Variants in SLCO1A2 observed in about 807,000 individuals in gnomAD.
The protein encoded by SLCO1A2 is OATP-1.
SLCO1A2 carries 67 observed loss-of-function variants against 69.0 expected under a neutral mutation model. That is an observed-to-expected ratio of 0.97 (90% CI 0.80 to 1.19). The LOEUF (loss-of-function observed/expected upper bound fraction) is 1.19. SLCO1A2 is among the 50% of genes most tolerant of loss of function. The pLI, the probability that SLCO1A2 is intolerant of heterozygous loss-of-function variation, is 0.00. For synonymous variants in SLCO1A2, 260 were observed against 265.9 expected (o/e 0.98, Z 0.22); for missense variants, 787 against 793.7 (o/e 0.99, Z 0.10).
intron 4 of SLCO1A2, among the ~76,000 whole-genome samples, chr12:21,307,373 CAACAA>C (rs1239044850): frequency 6.6e-6 from 1 of 152,064 alleles, no homozygotes; most frequent in African/African-American, 2.4e-5. Flanking sequence ...GAAGGAATAA[CAACAA>C]AACAAGCCTT....
At chr12:21,350,679 CA>C (rs1353208757) in intron 2 of SLCO1A2, among the ~76,000 whole-genome samples, 1 of 150,594 alleles carries the variant, frequency 6.6e-6, no homozygotes, top group Non-Finnish European at 1.5e-5. Context: ...TACTAAAATA[CA>C]AAAAAAATTA....
At chr12:21,278,373 A>C (rs1364674826) in intron 12 of SLCO1A2, among the ~76,000 whole-genome samples, 1 of 152,072 alleles carries the variant, frequency 6.6e-6, no homozygotes, top group Non-Finnish European at 1.5e-5. Context: ...GGATGATTGT[A>C]GAGTTGGGTC....
At chr12:21,398,479 T>C (rs965137790), upstream of SLCO1A2, among the ~76,000 whole-genome samples, 2 of 147,926 alleles carry the variant, frequency 1.4e-5, no homozygotes, top group African/African-American at 5.0e-5. Flanking sequence ...CTTCTGAAAC[T>C]ATTCCAATCA....
chr12:21,274,341 G>T, intron 14 of SLCO1A2, 128 bp downstream of exon 14: 1 of 558,062 alleles, frequency 1.8e-6, no homozygotes. Context: ...TATAACATCA[G>T]TATCTCTGCT....
At chr12:21,323,036 A>G (rs1951836242) in intron 2 of SLCO1A2, among the ~76,000 whole-genome samples, 1 of 152,168 alleles carries the variant, frequency 6.6e-6, no homozygotes, top group African/African-American at 2.4e-5. Flanking sequence ...CAAAAGACTT[A>G]TAGCAAATTA....
intron 1 of SLCO1A2, among the ~76,000 whole-genome samples, chr12:21,386,585 T>C (rs998902160): frequency 2.6e-5 from 4 of 152,066 alleles, no homozygotes; most frequent in Admixed American, 1.3e-4. Context: ...TGTGTTTGCT[T>C]CTCCTTCACC....
At chr12:21,411,393 C>A (rs746301742) in intron 1 of SLCO1A2, among the ~76,000 whole-genome samples, 5 of 152,130 alleles carry the variant, frequency 3.3e-5, no homozygotes, top group African/African-American at 1.2e-4. Flanking sequence ...ATCTCTCATG[C>A]GACTGTGATC....
At chr12:21,334,733 G>A in intron 1 of SLCO1A2, 24 bp from the exon 2 acceptor site, 9 of 1,054,668 alleles carry the variant, frequency 8.5e-6, no homozygotes, top group South Asian at 1.5e-5. Context: ...AAAAAAATAT[G>A]TTAAATTAAC....
chr12:21,361,986 G>A (rs573609534), intron 2 of SLCO1A2, among the ~76,000 whole-genome samples: 53 of 152,252 alleles, frequency 3.5e-4, no homozygotes, highest in African/African-American at 1.2e-3. Context: ...ATATCATGCC[G>A]GAGAACTTCC....
chr12:21,326,228 T>C (rs1324176452), intron 2 of SLCO1A2, among the ~76,000 whole-genome samples: 1 of 152,188 alleles, frequency 6.6e-6, no homozygotes, highest in Non-Finnish European at 1.5e-5. Flanking sequence ...TGTGGAACTG[T>C]GAGTTCATTA....
chr12:21,382,085 C>T (rs528291605), intron 1 of SLCO1A2, among the ~76,000 whole-genome samples: 1 of 152,170 alleles, frequency 6.6e-6, no homozygotes, highest in East Asian at 1.9e-4. Flanking sequence ...CCTAAGTGCC[C>T]ATCAACTAAT....
chr12:21,278,544 T>C (rs1381403228), intron 12 of SLCO1A2, among the ~76,000 whole-genome samples: 1 of 152,120 alleles, frequency 6.6e-6, no homozygotes, highest in East Asian at 1.9e-4. Flanking sequence ...ACAGAGAGAC[T>C]CCACTTGTTT....
At chr12:21,334,517 AT>A in intron 2 of SLCO1A2, 70 bp downstream of exon 2, 1 of 1,138,018 alleles carries the variant, frequency 8.8e-7, no homozygotes, top group Admixed American at 2.0e-5. Flanking sequence ...GATAGGAGCA[AT>A]TTTACCAGGA....
At chr12:21,371,542 T>A (rs1939789907) in intron 2 of SLCO1A2, among the ~76,000 whole-genome samples, 1 of 152,160 alleles carries the variant, frequency 6.6e-6, no homozygotes, top group Non-Finnish European at 1.5e-5. Context: ...GTTACAAAGC[T>A]TTTAAGAAGT....
chr12:21,343,730 A>AG (rs1345065715), intron 2 of SLCO1A2, among the ~76,000 whole-genome samples: 1 of 152,084 alleles, frequency 6.6e-6, no homozygotes, highest in Non-Finnish European at 1.5e-5. Flanking sequence ...CCTCCTTTCC[A>AG]GAAAAAAAAA....
At chr12:21,309,937 TGAG>T (rs1381819500) in intron 4 of SLCO1A2, among the ~76,000 whole-genome samples, 1 of 152,142 alleles carries the variant, frequency 6.6e-6, no homozygotes, top group Non-Finnish European at 1.5e-5. Flanking sequence ...ATAAGAATAT[TGAG>T]GAGACATTTG....
At chr12:21,371,921 G>T (rs984717316) in intron 2 of SLCO1A2, among the ~76,000 whole-genome samples, 1 of 151,742 alleles carries the variant, frequency 6.6e-6, no homozygotes, top group African/African-American at 2.4e-5. Flanking sequence ...AGAATCACTT[G>T]AACCCGGGAG....
intron 1 of SLCO1A2, among the ~76,000 whole-genome samples, chr12:21,390,764 C>T (rs560829004): frequency 9.2e-5 from 14 of 152,190 alleles, no homozygotes; most frequent in Admixed American, 3.3e-4. Flanking sequence ...TCTTCTTTTG[C>T]TGAATCCTAA....
In SLCO1A2 at chr12:21,326,543, T is replaced by C. The variant is rs867242870; in HGVS notation, c.61-7620A>G. On this transcript the variant is annotated intron_variant, in intron 2 of 14. Transcript: ENST00000683939. ...TGAATGGCTTTGACCAAAATGCTGA[T>C]AATGATATGGACAATAAAGTCCAGA... 9.2e-5 allele frequency among the ~76,000 whole-genome samples: 14 copies of C among 152,320 alleles called. No individual in the cohort carries two copies. The South Asian group carries it at 2.1e-3, about 23-fold the overall frequency.
Sources: allele counts gnomAD v4.1 joint callset (sites outside exome capture counted in the v4.1 genomes callset), GRCh38; gene constraint gnomAD v4.1.1; transcripts MANE v1.5; gene names NCBI Gene and HGNC (gene_info 2026-07-23, HGNC 2026-07-21).